The following RELN variants were observed in gnomAD, a reference collection of about 807,000 sequenced individuals.
RELN encodes reelin.
Under a neutral mutation model 427.6 loss-of-function variants are expected in RELN, and 108 were observed. The observed-to-expected ratio is 0.25, with a 90% CI of 0.22 to 0.30. RELN has a LOEUF of 0.30. RELN is among the 10% of genes least tolerant of loss of function. RELN has a pLI of 1.00. For synonymous variants in RELN, 1,524 were observed against 1,513.4 expected (o/e 1.01, Z -0.16); for missense variants, 3,715 against 4,302.8 (o/e 0.86, Z 3.82).
intron 24 of RELN, among the ~76,000 whole-genome samples, chr7:103,602,776 C>G (rs1024447372): frequency 6.6e-6 from 1 of 152,006 alleles, no homozygotes; most frequent in African/African-American, 2.4e-5. Context: ...CACGTGTATA[C>G]CTATGTAACA....
At chr7:103,984,919 G>A (rs531522604) in intron 1 of RELN, among the ~76,000 whole-genome samples, 20 of 152,092 alleles carry the variant, frequency 1.3e-4, no homozygotes, top group Admixed American at 7.9e-4. Context: ...CAAAAATTAC[G>A]TCTGACATAA....
rs976694913 is a variant in RELN at position 103,573,225 on chromosome 7, G to A, written c.4511+867C>T. Among the ~76,000 whole-genome samples the A allele has an allele frequency of 2.6e-5, 4 of 152,226 alleles. No homozygotes were observed. Among genetic ancestry groups the A allele is most frequent in the African/African-American group, 9.6e-5 (4 of 41,458 alleles). ...CAAAGTGCTGGCATTACAGGTGTGA[G>A]CTACCGCATCCAGCCAAGATGAGGA... On this transcript the variant is annotated intron_variant, in intron 30 of 64. Transcript: ENST00000428762. The surrounding 1 kb of genome is among the most constrained non-coding windows in gnomAD (Gnocchi z 4.4).
At chr7:103,656,347 C>T (rs1833022044) in intron 12 of RELN, among the ~76,000 whole-genome samples, 2 of 152,058 alleles carry the variant, frequency 1.3e-5, no homozygotes, top group African/African-American at 2.4e-5. Context: ...AGGAAGTTGG[C>T]TTGATGGCAG....
intron 38 of RELN, among the ~76,000 whole-genome samples, chr7:103,554,864 A>G (rs1162695557): frequency 2.0e-5 from 3 of 152,130 alleles, no homozygotes; most frequent in African/African-American, 7.2e-5. Context: ...TCAGGGAGCA[A>G]TTCATGCTTT....
intron 1 of RELN, among the ~76,000 whole-genome samples, chr7:103,958,788 AT>A (rs1255327205): frequency 6.6e-6 from 1 of 152,128 alleles, no homozygotes; most frequent in East Asian, 1.9e-4. Flanking sequence ...GAAAAAAAAA[AT>A]CAGAAACATT....
intron 1 of RELN, among the ~76,000 whole-genome samples, chr7:103,977,380 C>T (rs992294517): frequency 2.7e-5 from 4 of 150,780 alleles, no homozygotes; most frequent in East Asian, 1.9e-4. Context: ...GATACAATCC[C>T]GGAGTATCTG....
chr7:103,873,225 T>C (rs866519122), intron 2 of RELN, among the ~76,000 whole-genome samples: 10 of 144,872 alleles, frequency 6.9e-5, no homozygotes, highest in South Asian at 2.7e-4. Flanking sequence ...GGGAAACTTA[T>C]AGCACTAAAT....
At chr7:103,845,518 T>C (rs764978413) in intron 2 of RELN, among the ~76,000 whole-genome samples, 1 of 152,242 alleles carries the variant, frequency 6.6e-6, no homozygotes, top group Non-Finnish European at 1.5e-5. Context: ...TAGCCCATAC[T>C]GGCTGCTGTC....
intron 11 of RELN, among the ~76,000 whole-genome samples, chr7:103,672,031 G>T (rs1833403991): frequency 6.6e-6 from 1 of 152,026 alleles, no homozygotes; most frequent in African/African-American, 2.4e-5. Context: ...AATTCATCTG[G>T]ATAGGATGAA....
intron 3 of RELN, among the ~76,000 whole-genome samples, chr7:103,818,300 C>T (rs183683291): frequency 3.6e-4 from 55 of 152,200 alleles, no homozygotes; most frequent in Non-Finnish European, 6.3e-4. Context: ...ACAAAATAAA[C>T]ATTTAAAGGC....
At chr7:103,540,005 G>C (rs1007410709) in intron 44 of RELN, among the ~76,000 whole-genome samples, 192 bp downstream of exon 44, 2 of 152,166 alleles carry the variant, frequency 1.3e-5, no homozygotes, top group Non-Finnish European at 2.9e-5. Flanking sequence ...TATAAGCTTA[G>C]GCAACTGAAG....
At chr7:103,551,812 A>T (rs973776447) in intron 40 of RELN, among the ~76,000 whole-genome samples, 8 of 152,116 alleles carry the variant, frequency 5.3e-5, no homozygotes, top group East Asian at 3.8e-4. Flanking sequence ...AGATTTTTTT[A>T]AACTTATATA....
At chr7:103,911,289 C>T (rs1197893861) in intron 2 of RELN, among the ~76,000 whole-genome samples, 1 of 150,334 alleles carries the variant, frequency 6.7e-6, no homozygotes, top group Non-Finnish European at 1.5e-5. Context: ...AAATGCAAAT[C>T]AAAACCACTA....
chr7:103,625,869 AT>A (rs1832319281), intron 20 of RELN, among the ~76,000 whole-genome samples: 1 of 152,090 alleles, frequency 6.6e-6, no homozygotes, highest in Admixed American at 6.6e-5. Flanking sequence ...CCTTCTAGAA[AT>A]TATAAAAGAA....
chr7:103,893,572 G>A (rs192706948), intron 2 of RELN, among the ~76,000 whole-genome samples: 7 of 152,242 alleles, frequency 4.6e-5, no homozygotes, highest in African/African-American at 1.7e-4. Context: ...AAGATCTAAT[G>A]TATATATAGA....
intron 10 of RELN, among the ~76,000 whole-genome samples, chr7:103,693,350 TG>T (rs1398980164): frequency 2.9e-4 from 13 of 45,030 alleles, no homozygotes; most frequent in Non-Finnish European, 5.4e-4. Flanking sequence ...GTCGGGGGGT[TG>T]GGGGGCAAGG....
chr7:103,669,949 T>G (rs1257247499), intron 11 of RELN, among the ~76,000 whole-genome samples: 3 of 152,116 alleles, frequency 2.0e-5, no homozygotes, highest in African/African-American at 7.2e-5. Context: ...CAGAAAAAGT[T>G]TTCTAATCAA....
At chr7:103,855,951 C>T (rs1270181264) in intron 2 of RELN, among the ~76,000 whole-genome samples, 1 of 152,124 alleles carries the variant, frequency 6.6e-6, no homozygotes, top group Non-Finnish European at 1.5e-5. Flanking sequence ...GGGGTCAGGA[C>T]TTCAACACAG....
At chr7:103,506,000 G>T (rs906092035) in intron 51 of RELN, among the ~76,000 whole-genome samples, 2 of 152,098 alleles carry the variant, frequency 1.3e-5, no homozygotes, top group African/African-American at 4.8e-5. Context: ...AGAGAATGAA[G>T]ATCAAATCAA....
Sources: allele counts gnomAD v4.1 joint callset (sites outside exome capture counted in the v4.1 genomes callset), GRCh38; gene constraint gnomAD v4.1.1; non-coding constraint Gnocchi (gnomAD v3.1); transcripts MANE v1.5; gene names NCBI Gene and HGNC (gene_info 2026-07-23, HGNC 2026-07-21).